Variants in RAB30 observed in about 807,000 individuals in gnomAD.
RAB30 encodes ras-related protein Rab-30.
In RAB30, 9 loss-of-function variants were observed where a neutral mutation model predicts 25.1. That is an observed-to-expected ratio of 0.36 (90% CI 0.22 to 0.63). RAB30 has a LOEUF of 0.63. Ranked by LOEUF, RAB30 falls within the 20% of genes least tolerant of loss-of-function variation. The probability of loss-of-function intolerance (pLI) is 0.69; values close to 1 mark genes in which losing one functional copy is unlikely to be tolerated. For synonymous variants in RAB30, 77 were observed against 86.4 expected, an observed-to-expected ratio of 0.89 and a Z score of 0.60; for missense variants, 140 against 243.5, an observed-to-expected ratio of 0.58 and a Z score of 2.83.
At chr11:83,038,507 T>C (rs1565285873) in intron 1 of RAB30, among the ~76,000 whole-genome samples, 1 of 152,106 alleles carries the variant, frequency 6.6e-6, no homozygotes, top group Non-Finnish European at 1.5e-5. Context: ...CAAAGCCTTA[T>C]GCCTGATACA....
intron 1 of RAB30, among the ~76,000 whole-genome samples, chr11:83,027,675 A>G (rs1468842387): frequency 1.3e-5 from 2 of 152,202 alleles, no homozygotes; most frequent in East Asian, 3.8e-4. Flanking sequence ...ACTAAATGAA[A>G]AAAAATAAAA....
At chr11:82,987,905 TAA>T (rs35726383) in intron 3 of RAB30, 135 bp from the exon 4 acceptor site, 306 of 35,420 alleles carry the variant, frequency 8.6e-3, no homozygotes, top group African/African-American at 0.027. Context: ...TTTTCTGCCC[TAA>T]AAAAAAAAAA....
In RAB30 at chr11:82,988,100, TAAGCATTTTACCTGTGGC is replaced by T. The variant is rs537772181; in HGVS notation, c.178-348_178-331del. 1.3e-4 allele frequency among the ~76,000 whole-genome samples: 20 copies of T among 152,306 alleles called. No homozygotes were observed. The East Asian group carries it at 3.9e-3, about 29-fold the overall frequency. ...ATTTATTATGTGCCAAGCTCTATTCTAAGCATTTTACCTGTGGCAACTCACTTATTCCTCACAGTAACC... is the reference window on the plus strand; with the variant it reads ...ATTTATTATGTGCCAAGCTCTATTCTAACTCACTTATTCCTCACAGTAACC... On this transcript the variant is annotated intron_variant, in intron 3 of 4. Transcript: ENST00000527633.
At chr11:83,033,721 C>A (rs1857926820) in intron 1 of RAB30, among the ~76,000 whole-genome samples, 1 of 152,144 alleles carries the variant, frequency 6.6e-6, no homozygotes, top group Non-Finnish European at 1.5e-5. Flanking sequence ...GAATCCTCTG[C>A]TACCACACTG....
rs1856908602 is a variant in RAB30 at position 82,993,987 on chromosome 11, C to T, written c.177+52G>A. 4 of 1,408,058 alleles carry T rather than the reference C, an allele frequency of 2.8e-6. No homozygotes were observed. The Admixed American group carries it at 6.9e-5, about 24-fold the overall frequency. The allele number at this position is 1,408,058 out of a possible 1,614,324, so 87.2% of individuals were successfully genotyped here. ...AAATGGTTATGAAAGCAGTACTTCC[C>T]CTAACCTCTCACATAGCACCTGACA... On this transcript the variant is annotated intron_variant, in intron 3 of 4. Coordinates refer to ENST00000527633, the MANE Select transcript of RAB30 (RefSeq NM_001286060.2).
At chr11:83,046,683 A>AG (rs1289763296) in intron 1 of RAB30, among the ~76,000 whole-genome samples, 3 of 152,048 alleles carry the variant, frequency 2.0e-5, no homozygotes, top group African/African-American at 7.2e-5. Flanking sequence ...TTGTAGAGAC[A>AG]GGGGTCTCAC....
At chr11:82,991,317 T>C (rs7116161) in intron 3 of RAB30, among the ~76,000 whole-genome samples, 20,736 of 151,676 alleles carry the variant, frequency 0.14, 1,902 homozygotes, top group African/African-American at 0.26. Context: ...CATGGCAACA[T>C]AGTGAGACCC....
intron 1 of RAB30, chr11:83,034,661 T>A (rs929691914): frequency 6.6e-6 from 1 of 152,060 alleles, no homozygotes; most frequent in African/African-American, 2.4e-5. Flanking sequence ...TTAACAAGCT[T>A]AAAGGGGCCG....
At chr11:83,019,791 G>A (rs1213874974) in intron 1 of RAB30, among the ~76,000 whole-genome samples, 1 of 152,184 alleles carries the variant, frequency 6.6e-6, no homozygotes, top group Non-Finnish European at 1.5e-5. Flanking sequence ...TTGTTACCAC[G>A]AGAGGTAGCT....
At chr11:82,997,030 C>A (rs1335566658) in intron 2 of RAB30, among the ~76,000 whole-genome samples, 194 bp downstream of exon 2, 1 of 152,206 alleles carries the variant, frequency 6.6e-6, no homozygotes, top group African/African-American at 2.4e-5. Context: ...CAGGGCCATG[C>A]TCCCGTGAGG....
chr11:82,990,333 G>A (rs539159254), intron 3 of RAB30, among the ~76,000 whole-genome samples: 1 of 152,336 alleles, frequency 6.6e-6, no homozygotes, highest in East Asian at 1.9e-4. Flanking sequence ...GCACGTGGTA[G>A]AAACATTTGA....
At chr11:83,014,631 AGAAAAAG>A (rs1857377252) in intron 1 of RAB30, among the ~76,000 whole-genome samples, 1 of 131,484 alleles carries the variant, frequency 7.6e-6, no homozygotes, top group Non-Finnish European at 1.6e-5. Context: ...GAAAGAAGTA[AGAAAAAG>A]AAAGAAAGAA....
chr11:83,035,850 G>A (rs2121514309), intron 1 of RAB30, among the ~76,000 whole-genome samples: 1 of 152,254 alleles, frequency 6.6e-6, no homozygotes, highest in South Asian at 2.1e-4. Flanking sequence ...GTTACTTGCG[G>A]GAAGTCACAG....
At chr11:83,043,658 T>C (rs928408953) in intron 1 of RAB30, among the ~76,000 whole-genome samples, 2 of 152,110 alleles carry the variant, frequency 1.3e-5, no homozygotes, top group African/African-American at 4.8e-5. Context: ...AAATATGCAT[T>C]TATAAAGAAA....
intron 1 of RAB30, among the ~76,000 whole-genome samples, chr11:83,039,282 G>A (rs1257646395): frequency 6.6e-6 from 1 of 152,188 alleles, no homozygotes; most frequent in Non-Finnish European, 1.5e-5. Context: ...TACAGAAAAT[G>A]TCCATCAATT....
intron 4 of RAB30, among the ~76,000 whole-genome samples, chr11:82,986,858 A>C (rs1375166490): frequency 6.6e-6 from 1 of 152,252 alleles, no homozygotes; most frequent in Non-Finnish European, 1.5e-5. Context: ...TTGTAACTTA[A>C]CAATGCTTCT....
intron 1 of RAB30, among the ~76,000 whole-genome samples, chr11:83,058,933 G>C (rs1400739640): frequency 6.6e-6 from 1 of 152,174 alleles, no homozygotes; most frequent in African/African-American, 2.4e-5. Context: ...AGCCACCAAT[G>C]GCTAAAGCAG....
intron 1 of RAB30, among the ~76,000 whole-genome samples, chr11:83,037,588 T>G (rs1171877894): frequency 6.6e-6 from 1 of 152,046 alleles, no homozygotes; most frequent in Admixed American, 6.6e-5. Context: ...TACTTGCTGA[T>G]GAATGGTATG....
rs1308963656 is a variant in RAB30, at chr11:82,980,883, G to A, written c.*1282C>T. 6.6e-6 allele frequency: 1 copy of A among 151,656 alleles called. No homozygotes were observed. The highest frequency in any genetic ancestry group is 6.6e-5 in the Admixed American group (1 of 15,204). The allele number at this position is 151,656 out of a possible 1,614,324, so 9.4% of individuals were successfully genotyped here. ...AAAGGAGAGACCAGAAAAATAGAGA[G>A]GAAAAGAGAAAGAAAAAAGAAAGAA... On this transcript the variant is annotated 3_prime_UTR_variant, in exon 5 of 5. Transcript: ENST00000527633.
Sources: gnomAD v4.1 joint callset for allele counts (sites outside exome capture counted in the v4.1 genomes callset) on GRCh38, gnomAD v4.1.1 for gene constraint, MANE v1.5 for transcripts, NCBI Gene and HGNC (gene_info 2026-07-23, HGNC 2026-07-21) for gene names.